Variants in SBK3 observed in about 807,000 individuals in gnomAD.
SBK3 encodes SH3 domain binding kinase family member 3.
A neutral mutation model predicts 12.7 loss-of-function variants in SBK3; 16 were observed. The observed-to-expected ratio is 1.26, with a 90% CI of 0.86 to 1.92. The LOEUF is 1.92. Among genes scored for constraint, SBK3 ranks in the 40% most tolerant of loss-of-function variants. SBK3 has a pLI of 0.00. For missense variants in SBK3, 462 were observed against 481.8 expected, an observed-to-expected ratio of 0.96 and a Z score of 0.38; for synonymous variants, 217 against 213.6, an observed-to-expected ratio of 1.02 and a Z score of -0.14.
chr19:55,542,600 C>T (rs111212238), intron 3 of SBK3, among the ~76,000 whole-genome samples: 77 of 150,794 alleles, frequency 5.1e-4, no homozygotes, highest in African/African-American at 1.5e-3. Flanking sequence ...TCCATCCATC[C>T]GCCCACCAAT....
At position 55,540,724 on chromosome 19, in the gene SBK3, G is replaced by A. The variant is rs749009562; in HGVS notation, c.*122C>T. Reference sequence around the variant, plus strand: ...CGCGTCCAAGCCCAGCGTTCCGTAGGGAGAGTGCAATGTGTTCCCTCTCTG... The same window carrying A: ...CGCGTCCAAGCCCAGCGTTCCGTAGAGAGAGTGCAATGTGTTCCCTCTCTG... On this transcript the variant is annotated 3_prime_UTR_variant, in exon 4 of 4. Coordinates refer to ENST00000612221, the MANE Select transcript of SBK3 (RefSeq NM_001199824.2). 1 of 847,790 alleles carries A rather than the reference G, an allele frequency of 1.2e-6. No individual in the cohort carries two copies. The highest frequency in any genetic ancestry group is 1.4e-5 in the South Asian group (1 of 70,040). The allele number at this position is 847,790 out of a possible 1,614,324, so 52.5% of individuals were successfully genotyped here.
intron 2 of SBK3, 28 bp from the exon 3 acceptor site, chr19:55,544,330 C>G (rs1256212848): frequency 1.3e-6 from 2 of 1,516,282 alleles, no homozygotes; most frequent in Non-Finnish European, 1.8e-6. Flanking sequence ...CGGAGGGACA[C>G]TCAGGCGGCT....
Position 55,545,505 on chromosome 19 carries a change from G to T in SBK3, c.39C>A (p.Asp13Glu). 1 of 1,533,276 alleles carries T rather than the reference G, an allele frequency of 6.5e-7. No homozygotes were observed. Among genetic ancestry groups the T allele is most frequent in the Non-Finnish European group, 8.7e-7 (1 of 1,145,510 alleles). The allele number at this position is 1,533,276 out of a possible 1,614,324, so 95.0% of individuals were successfully genotyped here. Residue 13 changes from aspartate to glutamate, a missense_variant, in exon 1 of 4, where the codon GAC (aspartate) becomes GAA (glutamate). Transcript: ENST00000612221. This position sits in a 1 kb window ranked among gnomAD's most constrained non-coding sequence, Gnocchi z 4.4. ...RRASETPEDG[D>E]PEEDTATALQ... ...CCTGGCTCCCGTCTCTCACCTCTGG[G>T]TCCCCATCCTCAGGGGTCTCGGAGG...
Position 55,545,159 on chromosome 19 carries a change from G to A in SBK3, c.46-210C>T. 1.7e-6 allele frequency: 1 copy of A among 578,162 alleles called. No homozygotes were observed. Among genetic ancestry groups the A allele is most frequent in the East Asian group, 3.0e-5 (1 of 33,670 alleles). 35.8% of individuals were successfully genotyped at this position (578,162 alleles called of 1,614,324 possible). A position where few individuals can be genotyped will look rare whatever the true frequency, so the allele number is the denominator to read the frequency against. ...GAGGTTAGGGGTCACTGCCACAGAG[G>A]CCCCGCCTGCCCCTGTCTGTGGGAG... is the stretch of plus-strand genomic sequence containing the variant. On this transcript the variant is annotated intron_variant, in intron 1 of 3. Transcript: ENST00000612221. This position sits in a 1 kb window ranked among gnomAD's most constrained non-coding sequence, Gnocchi z 4.4.
In SBK3 at chr19:55,545,047, GC is replaced by G. The variant is rs1988645033; in HGVS notation, c.46-99del. The G allele has an allele frequency of 6.6e-6, 6 of 910,222 alleles. No individual in the cohort carries two copies. Among genetic ancestry groups the G allele is most frequent in the Non-Finnish European group, 9.8e-6 (6 of 614,198 alleles). The allele number at this position is 910,222 out of a possible 1,614,324, so 56.4% of individuals were successfully genotyped here. On this transcript the variant is annotated intron_variant, in intron 1 of 3. Transcript: ENST00000612221. The surrounding 1 kb of genome is among the most constrained non-coding windows in gnomAD (Gnocchi z 4.4). Reference sequence around the variant, plus strand: ...GCGCAGCCCCAGGATGGAGGGTGGGGCAGGGGACAGGGGTCACTGTCCCCAG... The same window carrying G: ...GCGCAGCCCCAGGATGGAGGGTGGGGAGGGGACAGGGGTCACTGTCCCCAG...
Position 55,541,494 on chromosome 19 carries a change from C to T in SBK3, c.432G>A (p.Val144=), listed in dbSNP as rs1399554489. The change falls in exon 4 of 4, where the codon GTG becomes GTA. Residue 144 remains valine (V), a synonymous_variant. Coordinates refer to ENST00000612221, the MANE Select transcript of SBK3 (RefSeq NM_001199824.2). The surrounding 1 kb of genome is among the most constrained non-coding windows in gnomAD (Gnocchi z 5.3). ...AGTCCAGAGCTCCTGCCAACTGGGCCACCACCCGCTTCACCAGCAGTTCTG... is the reference window on the plus strand; with the variant it reads ...AGTCCAGAGCTCCTGCCAACTGGGCTACCACCCGCTTCACCAGCAGTTCTG... ...GLPELLVKRV[V]AQLAGALDFL... 3 of 1,524,942 alleles carry T rather than the reference C, an allele frequency of 2.0e-6. No homozygotes were observed. Among genetic ancestry groups the T allele is most frequent in the Admixed American group, 4.0e-5 (2 of 50,522 alleles). 94.5% of individuals were successfully genotyped at this position (1,524,942 alleles called of 1,614,324 possible).
Position 55,544,290 on chromosome 19 carries a change from G to T in SBK3, c.209C>A (p.Ala70Asp), listed in dbSNP as rs1988624768. The T allele has an allele frequency of 6.5e-7, 1 of 1,535,798 alleles. No homozygotes were observed. Among genetic ancestry groups the T allele is most frequent in the Non-Finnish European group, 8.7e-7 (1 of 1,146,736 alleles). ...AQPHQGGPAV[A>D]LKLLRRDLVL... The stretch of plus-strand genomic sequence containing the variant: ...CAAATCCCGACGCAGGAGCTTCAGA[G>T]CCACAGCTGGACCTGCCAGGGAGAT... Residue 70 changes from alanine (A) to aspartate (D), a missense_variant, in exon 3 of 4, where the codon GCT (alanine) becomes GAT (aspartate). By Grantham distance (126) the Ala-to-Asp change is moderately radical. Transcript: ENST00000612221.
At chr19:55,543,108 C>G (rs1988598105) in intron 3 of SBK3, among the ~76,000 whole-genome samples, 1 of 138,700 alleles carries the variant, frequency 7.2e-6, no homozygotes, top group Non-Finnish European at 1.6e-5. Flanking sequence ...CATCCACTCA[C>G]CTACCAAACC....
rs1988641505 is a variant in SBK3 at position 55,544,957 on chromosome 19, A to G, written c.46-8T>C. 1 of 1,524,256 alleles carries G rather than the reference A, an allele frequency of 6.6e-7. No homozygotes were observed. The highest frequency in any genetic ancestry group is 8.8e-7 in the Non-Finnish European group (1 of 1,141,634). 94.4% of individuals were successfully genotyped at this position (1,524,256 alleles called of 1,614,324 possible). A position where few individuals can be genotyped will look rare whatever the true frequency, so the allele number is the denominator to read the frequency against. On this transcript the variant is annotated splice_region_variant and splice_polypyrimidine_tract_variant and intron_variant, in intron 1 of 3. Transcript: ENST00000612221. ...GGCTGTGGCTGTGTCCTCCTACGGG[A>G]GAGGGGCAGGGTGAGGAGGGGGCGC...
chr19:55,541,664 G>A lies in SBK3; in HGVS notation c.400-138C>T. 1 of 633,336 alleles carries A rather than the reference G, an allele frequency of 1.6e-6. No homozygotes were observed. Among genetic ancestry groups the A allele is most frequent in the South Asian group, 2.2e-5 (1 of 44,856 alleles). 39.2% of individuals were successfully genotyped at this position (633,336 alleles called of 1,614,324 possible). ...CAAAGTGCTGGGATTATAGGCATGA[G>A]GCACTGCACCAGTTGGTTCCTTCTG... On this transcript the variant is annotated intron_variant, in intron 3 of 3. Coordinates refer to ENST00000612221, the MANE Select transcript of SBK3 (RefSeq NM_001199824.2). This position sits in a 1 kb window ranked among gnomAD's most constrained non-coding sequence, Gnocchi z 5.3.
At chr19:55,543,649 C>T (rs562253798) in intron 3 of SBK3, among the ~76,000 whole-genome samples, 5 of 152,022 alleles carry the variant, frequency 3.3e-5, no homozygotes, top group Non-Finnish European at 5.9e-5. Context: ...CATTATAGCC[C>T]ATCTCCAACT....
In SBK3 at chr19:55,545,055, CA is replaced by C. The variant is rs981256587; in HGVS notation, c.46-107del. 3.4e-5 allele frequency: 28 copies of C among 831,234 alleles called. No homozygotes were observed. Among genetic ancestry groups the C allele is most frequent in the Admixed American group, 5.7e-5 (2 of 35,000 alleles). 51.5% of individuals were successfully genotyped at this position (831,234 alleles called of 1,614,324 possible). Reference sequence around the variant, plus strand: ...CCAGGATGGAGGGTGGGGCAGGGGACAGGGGTCACTGTCCCCAGAGAGGAGG... The same window carrying C: ...CCAGGATGGAGGGTGGGGCAGGGGACGGGGTCACTGTCCCCAGAGAGGAGG... On this transcript the variant is annotated intron_variant, in intron 1 of 3. Coordinates refer to ENST00000612221, the MANE Select transcript of SBK3 (RefSeq NM_001199824.2). The surrounding 1 kb of genome is among the most constrained non-coding windows in gnomAD (Gnocchi z 4.4).
chr19:55,544,943 T>C lies in SBK3; in HGVS notation c.52A>G (p.Thr18Ala), dbSNP rs1203565097. 5 of 1,531,038 alleles carry C rather than the reference T, an allele frequency of 3.3e-6. No individual in the cohort carries two copies. Among genetic ancestry groups the C allele is most frequent in the Non-Finnish European group, 4.4e-6 (5 of 1,144,948 alleles). 94.8% of individuals were successfully genotyped at this position (1,531,038 alleles called of 1,614,324 possible). A position where few individuals can be genotyped will look rare whatever the true frequency, so the allele number is the denominator to read the frequency against. ...ACCAGCCGTTGGAGGGCTGTGGCTGTGTCCTCCTACGGGAGAGGGGCAGGG... is the reference window on the plus strand; with the variant it reads ...ACCAGCCGTTGGAGGGCTGTGGCTGCGTCCTCCTACGGGAGAGGGGCAGGG... ...TPEDGDPEEDTATALQRLVEL... is the reference protein window; with the variant it reads ...TPEDGDPEEDAATALQRLVEL... Residue 18 changes from threonine to alanine, a missense_variant, in exon 2 of 4, where the codon ACA becomes GCA. Coordinates refer to ENST00000612221, the MANE Select transcript of SBK3 (RefSeq NM_001199824.2).
In SBK3 at chr19:55,541,971, C is replaced by A. The variant is rs1411872798; in HGVS notation, c.400-445G>T. Among the ~76,000 whole-genome samples the A allele has an allele frequency of 3.9e-5, 6 of 152,322 alleles. No homozygotes were observed. The South Asian group carries it at 1.2e-3, about 32-fold the overall frequency. ...GATTCTCCTAACTCAAACACTCAGG[C>A]CCACTGTGAACATTTCTTATATATC... On this transcript the variant is annotated intron_variant, in intron 3 of 3. Coordinates refer to ENST00000612221, the MANE Select transcript of SBK3 (RefSeq NM_001199824.2). This position sits in a 1 kb window ranked among gnomAD's most constrained non-coding sequence, Gnocchi z 5.3.
Position 55,540,703 on chromosome 19 carries a change from T to C in SBK3, c.*143A>G, listed in dbSNP as rs1568495414. 1.3e-6 allele frequency: 1 copy of C among 761,188 alleles called. No homozygotes were observed. Among genetic ancestry groups the C allele is most frequent in the Admixed American group, 2.1e-5 (1 of 48,550 alleles). The allele number at this position is 761,188 out of a possible 1,614,324, so 47.2% of individuals were successfully genotyped here. A position where few individuals can be genotyped will look rare whatever the true frequency, so the allele number is the denominator to read the frequency against. On this transcript the variant is annotated 3_prime_UTR_variant, in exon 4 of 4. Coordinates refer to ENST00000612221, the MANE Select transcript of SBK3 (RefSeq NM_001199824.2). ...TCCTCAGTTGGAAGAGGAATGCGCG[T>C]CCAAGCCCAGCGTTCCGTAGGGAGA...
At chr19:55,542,199 C>T (rs1358638764) in intron 3 of SBK3, among the ~76,000 whole-genome samples, 1 of 152,214 alleles carries the variant, frequency 6.6e-6, no homozygotes, top group Non-Finnish European at 1.5e-5. Context: ...GCCATCCATC[C>T]TTCCAACAGT....
chr19:55,543,919 G>A (rs1043543930), intron 3 of SBK3, among the ~76,000 whole-genome samples, 181 bp downstream of exon 3: 1 of 152,106 alleles, frequency 6.6e-6, no homozygotes, highest in African/African-American at 2.4e-5. Context: ...GGATGGATTA[G>A]GGTTGAGGTC....
rs1988540342 is a variant in SBK3 at position 55,540,743 on chromosome 19, C to T, written c.*103G>A. ...CCGTAGGGAGAGTGCAATGTGTTCC[C>T]TCTCTGTCCTCCCGGGTGCAGCTGT... On this transcript the variant is annotated 3_prime_UTR_variant, in exon 4 of 4. Transcript: ENST00000612221. 1 of 987,888 alleles carries T rather than the reference C, an allele frequency of 1.0e-6. No homozygotes were observed. Among genetic ancestry groups the T allele is most frequent in the Non-Finnish European group, 1.5e-6 (1 of 646,068 alleles). The allele number at this position is 987,888 out of a possible 1,614,324, so 61.2% of individuals were successfully genotyped here.
Position 55,544,203 on chromosome 19 carries a change from C to T in SBK3, c.296G>A (p.Gly99Asp), listed in dbSNP as rs1346229542. ...CVGRCVSAHPGLLQTLAGPLQ... is the reference protein window; with the variant it reads ...CVGRCVSAHPDLLQTLAGPLQ... ...GGGTCCTGCCAGGGTCTGCAGCAGG[C>T]CTGGGTGTGCAGAGACGCAGCGGCC... The change falls in exon 3 of 4, where the codon GGC (glycine) becomes GAC (aspartate). Residue 99 changes from glycine to aspartate, a missense_variant. Transcript: ENST00000612221. The T allele has an allele frequency of 6.5e-7, 1 of 1,535,892 alleles. No homozygotes were observed. Among genetic ancestry groups the T allele is most frequent in the African/African-American group, 1.4e-5 (1 of 73,016 alleles).
Sources: allele counts gnomAD v4.1 joint callset (sites outside exome capture counted in the v4.1 genomes callset), GRCh38; gene constraint gnomAD v4.1.1; non-coding constraint Gnocchi (gnomAD v3.1); transcripts MANE v1.5; gene names NCBI Gene and HGNC (gene_info 2026-07-23, HGNC 2026-07-21).